CHLSN: variants seen among roughly 807,000 people sequenced by gnomAD.
The protein encoded by CHLSN is protein cholesin.
chr7:1,020,182 G>A, the CHLSN span, among the ~76,000 whole-genome samples: 3 of 152,196 alleles, frequency 2.0e-5, no homozygotes, highest in Admixed American at 6.5e-5. Flanking sequence ...TGGTCCCCAC[G>A]ACTGTTTCTT....
At chr7:1,021,595 T>C in the CHLSN span, 1 of 980,986 alleles carries the variant, frequency 1.0e-6, no homozygotes, top group African/African-American at 1.8e-5. Context: ...CCCCATGCTG[T>C]TGGATGGGAG....
chr7:1,075,015 G>A, the CHLSN span, among the ~76,000 whole-genome samples: 1 of 152,248 alleles, frequency 6.6e-6, no homozygotes, highest in Non-Finnish European at 1.5e-5. Flanking sequence ...GACTGCAGAT[G>A]TGTGGGCCAT....
the CHLSN span, chr7:983,152 A>G: frequency 3.6e-6 from 5 of 1,384,966 alleles, no homozygotes; most frequent in South Asian, 1.6e-5. Flanking sequence ...GCGGAGGCCT[A>G]TAAGGGTGCG....
the CHLSN span, among the ~76,000 whole-genome samples, chr7:1,097,161 C>G: frequency 6.6e-6 from 1 of 152,204 alleles, no homozygotes; most frequent in African/African-American, 2.4e-5. The surrounding 1 kb of genome is among the most constrained non-coding windows in gnomAD (Gnocchi z 4.3). Context: ...CACAGACACA[C>G]GCTCACATGT....
chr7:1,037,359 A>G, the CHLSN span, among the ~76,000 whole-genome samples: 5 of 135,018 alleles, frequency 3.7e-5, 1 homozygote, highest in African/African-American at 1.3e-4. Flanking sequence ...TCCCTGCCTG[A>G]TTCTCCTGCC....
chr7:1,031,015 G>A, the CHLSN span, among the ~76,000 whole-genome samples: 1 of 152,188 alleles, frequency 6.6e-6, no homozygotes, highest in Non-Finnish European at 1.5e-5. Context: ...CCAGGAGGGA[G>A]CCCTCCCACT....
At chr7:987,969 G>A in the CHLSN span, among the ~76,000 whole-genome samples, 1 of 136,074 alleles carries the variant, frequency 7.3e-6, no homozygotes, top group Admixed American at 7.2e-5. Context: ...GGTCCCCTCT[G>A]TGTGTCCTGG....
At chr7:1,022,541 C>T in the CHLSN span, among the ~76,000 whole-genome samples, 2 of 152,134 alleles carry the variant, frequency 1.3e-5, no homozygotes, top group Non-Finnish European at 2.9e-5. Flanking sequence ...TGAGGGAACA[C>T]GGGACGCCCA....
chr7:1,054,485 G>A, the CHLSN span, among the ~76,000 whole-genome samples: 17,436 of 152,286 alleles, frequency 0.11, 1,218 homozygotes, highest in Middle Eastern at 0.26. Flanking sequence ...ACGCACTCGA[G>A]AGCCGGTTCA....
At chr7:1,117,607 C>G in the CHLSN span, among the ~76,000 whole-genome samples, 1 of 137,014 alleles carries the variant, frequency 7.3e-6, no homozygotes, top group Non-Finnish European at 1.6e-5. Flanking sequence ...GCTTCCATCA[C>G]CGACGCTCAC....
At chr7:982,851 T>C in the CHLSN span, among the ~76,000 whole-genome samples, 3 of 152,180 alleles carry the variant, frequency 2.0e-5, no homozygotes, top group South Asian at 2.1e-4. Context: ...CAAAGCCCTG[T>C]GAATCCCAGT....
chr7:1,057,697 T>C, the CHLSN span: 2 of 774,584 alleles, frequency 2.6e-6, no homozygotes, highest in Non-Finnish European at 4.8e-6. Flanking sequence ...AGCATGACCA[T>C]GCCGGACGTG....
the CHLSN span, among the ~76,000 whole-genome samples, chr7:1,004,205 G>C: frequency 2.0e-5 from 3 of 152,116 alleles, no homozygotes; most frequent in Non-Finnish European, 4.4e-5. Context: ...CGGCCAGCGT[G>C]GGCCCCTGTG....
the CHLSN span, chr7:987,587 G>T: frequency 7.0e-7 from 1 of 1,430,602 alleles, no homozygotes; most frequent in Non-Finnish European, 9.2e-7. Context: ...CCTCGGCGGG[G>T]GTCCAGGGGC....
the CHLSN span, among the ~76,000 whole-genome samples, chr7:1,053,115 T>C: frequency 1.3e-5 from 2 of 152,136 alleles, no homozygotes; most frequent in Non-Finnish European, 2.9e-5. Flanking sequence ...CAGGATGCCC[T>C]GCTTCCCCAG....
chr7:989,797 T>C, the CHLSN span, among the ~76,000 whole-genome samples: 1 of 151,806 alleles, frequency 6.6e-6, no homozygotes, highest in East Asian at 1.9e-4. Context: ...CAGAAGGAAA[T>C]GTCGAGCCAC....
chr7:1,002,271 C>T, the CHLSN span, among the ~76,000 whole-genome samples: 588 of 62,550 alleles, frequency 9.4e-3, 10 homozygotes, highest in Non-Finnish European at 0.012. Flanking sequence ...GTGAGTGGAG[C>T]CCTGTGGGTG....
chr7:1,008,971 GCA>G, the CHLSN span, among the ~76,000 whole-genome samples: 112 of 150,048 alleles, frequency 7.5e-4, no homozygotes, highest in Non-Finnish European at 1.1e-3. Context: ...ACACATGCGT[GCA>G]CACACACCCA....
the CHLSN span, among the ~76,000 whole-genome samples, chr7:1,117,744 CTA>C: frequency 6.8e-6 from 1 of 147,996 alleles, no homozygotes; most frequent in Non-Finnish European, 1.5e-5. Context: ...GATGACATCA[CTA>C]TAGCTCTAGG....
Sources: gnomAD v4.1 joint callset for allele counts (sites outside exome capture counted in the v4.1 genomes callset) on GRCh38, gnomAD v4.1.1 for gene constraint, Gnocchi (gnomAD v3.1) non-coding constraint, MANE v1.5 for transcripts, NCBI Gene and HGNC (gene_info 2026-07-23, HGNC 2026-07-21) for gene names.